Variants in CTIF observed in about 807,000 individuals in gnomAD.
CTIF encodes the protein cap binding complex dependent translation initiation factor.
In CTIF, 21 loss-of-function variants were observed where a neutral mutation model predicts 66.0. The ratio of observed to expected loss-of-function variants is 0.32; its 90% CI spans 0.23 to 0.46. CTIF has a LOEUF of 0.46. Ranked by LOEUF, CTIF falls within the 20% of genes least tolerant of loss-of-function variation. CTIF has a pLI of 1.00. For synonymous variants in CTIF, 345 were observed against 326.4 expected (o/e 1.06, Z -0.62); for missense variants, 739 against 812.7 (o/e 0.91, Z 1.10).
chr18:48,824,632 T>G (rs1414323143), intron 10 of CTIF, among the ~76,000 whole-genome samples: 1 of 151,836 alleles, frequency 6.6e-6, no homozygotes, highest in Non-Finnish European at 1.5e-5. Flanking sequence ...TTTTTTTTTT[T>G]GTTTTGTTTT....
At position 48,862,840 on chromosome 18, in the gene CTIF, T is replaced by C. The variant is rs1261255508; in HGVS notation, c.*3281T>C. The C allele has an allele frequency of 6.6e-6, 1 of 152,238 alleles. No individual in the cohort carries two copies. Among genetic ancestry groups the C allele is most frequent in the African/African-American group, 2.4e-5 (1 of 41,468 alleles). 9.4% of individuals were successfully genotyped at this position (152,238 alleles called of 1,614,324 possible). ...CAAGAAGCCAAGTCCCAGTCTGTTT[T>C]CTGGCATCAGACACCGGCCCGTGTT... is the stretch of plus-strand genomic sequence containing the variant. On this transcript the variant is annotated 3_prime_UTR_variant, in exon 12 of 12. Transcript: ENST00000256413.
chr18:48,854,125 T>A (rs899997664), intron 10 of CTIF, among the ~76,000 whole-genome samples: 17 of 152,126 alleles, frequency 1.1e-4, no homozygotes, highest in African/African-American at 3.9e-4. Flanking sequence ...GCAGCAGAGA[T>A]GAATTTGGCA....
At chr18:48,613,031 G>C (rs1341981544) in intron 1 of CTIF, among the ~76,000 whole-genome samples, 2 of 152,134 alleles carry the variant, frequency 1.3e-5, no homozygotes, top group Non-Finnish European at 2.9e-5. Context: ...TGGATTCCCT[G>C]AGAAGTGCTG....
At chr18:48,832,482 G>A (rs1001845515) in intron 10 of CTIF, among the ~76,000 whole-genome samples, 1 of 152,198 alleles carries the variant, frequency 6.6e-6, no homozygotes, top group Non-Finnish European at 1.5e-5. Context: ...AGAAAGGGAA[G>A]AGAAGGGCTG....
intron 1 of CTIF, among the ~76,000 whole-genome samples, chr18:48,541,419 G>T (rs954946799): frequency 6.6e-6 from 1 of 152,232 alleles, no homozygotes; most frequent in African/African-American, 2.4e-5. Context: ...AGAGGAAGGA[G>T]CCGCCCAGAG....
intron 6 of CTIF, among the ~76,000 whole-genome samples, chr18:48,679,261 T>C (rs1221148957): frequency 1.3e-5 from 2 of 152,248 alleles, no homozygotes; most frequent in African/African-American, 4.8e-5. Context: ...GGGGGTCATA[T>C]ACCTGTTCAA....
chr18:48,849,649 G>A (rs1283818519), intron 10 of CTIF, among the ~76,000 whole-genome samples: 3 of 136,416 alleles, frequency 2.2e-5, no homozygotes, highest in Non-Finnish European at 4.6e-5. Context: ...GCAGTGGCAC[G>A]ATCTCAGCTC....
At chr18:48,685,070 G>A (rs1038166140) in intron 6 of CTIF, among the ~76,000 whole-genome samples, 4 of 144,480 alleles carry the variant, frequency 2.8e-5, no homozygotes, top group Non-Finnish European at 6.0e-5. Flanking sequence ...TACAAGATCA[G>A]ACTTTGCTTT....
At chr18:48,803,313 C>A (rs2068082372) in intron 9 of CTIF, among the ~76,000 whole-genome samples, 1 of 152,238 alleles carries the variant, frequency 6.6e-6, no homozygotes, top group African/African-American at 2.4e-5. Flanking sequence ...TGTCATGAAC[C>A]ATCAGTCACA....
At chr18:48,707,462 G>A (rs2092171536) in intron 6 of CTIF, among the ~76,000 whole-genome samples, 1 of 152,160 alleles carries the variant, frequency 6.6e-6, no homozygotes, top group Non-Finnish European at 1.5e-5. Flanking sequence ...TTTTAGGGCA[G>A]CTGTTTCCTT....
chr18:48,712,246 G>A (rs1260836847), intron 7 of CTIF, among the ~76,000 whole-genome samples: 2 of 152,174 alleles, frequency 1.3e-5, no homozygotes, highest in Non-Finnish European at 2.9e-5. Context: ...TTAAACTAAG[G>A]CAGAAACCGA....
At chr18:48,610,549 G>A (rs1207703255) in intron 1 of CTIF, among the ~76,000 whole-genome samples, 1 of 152,126 alleles carries the variant, frequency 6.6e-6, no homozygotes. Flanking sequence ...CACCCCCCGG[G>A]GACTGAGGCC....
Position 48,615,779 on chromosome 18 carries a change from G to A in CTIF, c.-28-3759G>A, listed in dbSNP as rs1248303947. 5.9e-5 allele frequency among the ~76,000 whole-genome samples: 9 copies of A among 152,324 alleles called. No individual in the cohort carries two copies. In the East Asian group the frequency reaches 9.7e-4, roughly 16 times the overall value. The stretch of plus-strand genomic sequence containing the variant: ...AGAGGAAGCCTGGACAGGAGACCCC[G>A]GGGCAGCTGAGGTGAGGCGCCGCTG... On this transcript the variant is annotated intron_variant, in intron 1 of 11. Transcript: ENST00000256413.
intron 5 of CTIF, 163 bp from the exon 6 acceptor site, chr18:48,670,506 A>ACT: frequency 1.7e-6 from 1 of 588,182 alleles, no homozygotes; most frequent in Non-Finnish European, 3.1e-6. Context: ...ACACACACAC[A>ACT]GCTTCTCTAG....
chr18:48,632,723 G>C (rs1568089168), intron 2 of CTIF, among the ~76,000 whole-genome samples: 1 of 152,056 alleles, frequency 6.6e-6, no homozygotes, highest in African/African-American at 2.4e-5. Context: ...GGGAACCCTG[G>C]GTTGCCTGCT....
intron 10 of CTIF, among the ~76,000 whole-genome samples, chr18:48,829,355 G>T (rs1378847733): frequency 6.6e-6 from 1 of 152,130 alleles, no homozygotes; most frequent in Non-Finnish European, 1.5e-5. Flanking sequence ...CTGAGTGCAG[G>T]TCTGGTTGGG....
intron 1 of CTIF, among the ~76,000 whole-genome samples, chr18:48,556,176 C>T (rs1014201785): frequency 6.6e-6 from 1 of 152,144 alleles, no homozygotes; most frequent in East Asian, 1.9e-4. Flanking sequence ...TGCTCCGGAT[C>T]GTCTCAGCAG....
intron 7 of CTIF, among the ~76,000 whole-genome samples, chr18:48,751,539 CTCA>C (rs1397734521): frequency 6.6e-6 from 1 of 152,212 alleles, no homozygotes; most frequent in Admixed American, 6.5e-5. Context: ...AAGGTTCTGC[CTCA>C]TCTGAAGGAA....
chr18:48,548,555 T>A (rs1043513297), intron 1 of CTIF, among the ~76,000 whole-genome samples: 6 of 152,356 alleles, frequency 3.9e-5, no homozygotes, highest in African/African-American at 1.4e-4. Flanking sequence ...GATTGGGTAA[T>A]AAAGAGCATG....
Sources: gnomAD v4.1 joint callset for allele counts (sites outside exome capture counted in the v4.1 genomes callset) on GRCh38, gnomAD v4.1.1 for gene constraint, MANE v1.5 for transcripts, NCBI Gene and HGNC (gene_info 2026-07-23, HGNC 2026-07-21) for gene names.